GSTM5: variants seen among roughly 807,000 people sequenced by gnomAD.
GSTM5 encodes the protein GST class-mu 5.
GSTM5 carries 24 observed loss-of-function variants against 29.0 expected under a neutral mutation model. That is an observed-to-expected ratio of 0.83 (90% CI 0.60 to 1.16). GSTM5 has a LOEUF of 1.16. GSTM5 is among the 50% of genes most tolerant of loss of function. The pLI is 0.00. For synonymous variants in GSTM5, 91 were observed against 93.6 expected, an observed-to-expected ratio of 0.97 and a Z score of 0.16; for missense variants, 290 against 263.0, an observed-to-expected ratio of 1.10 and a Z score of -0.71.
At position 109,717,510 on chromosome 1, in the gene GSTM5, C is replaced by G. The variant is rs553978862; in HGVS notation, c.*84C>G. On this transcript the variant is annotated 3_prime_UTR_variant, in exon 8 of 8. Transcript: ENST00000256593. ...AGGACAGCCTGACTCCCTGGACCTG[C>G]CTTCTTCCTTTTTCCTTCTTTCTAC... 3.8e-4 allele frequency: 351 copies of G among 931,370 alleles called. No individual in the cohort carries two copies. Among genetic ancestry groups the G allele is most frequent in the Non-Finnish European group, 9.2e-5 (52 of 562,540 alleles). 57.7% of individuals were successfully genotyped at this position (931,370 alleles called of 1,614,324 possible).
chr1:109,715,104 G>C (rs1317297489), intron 6 of GSTM5, 26 bp from the exon 7 acceptor site: 1 of 1,614,000 alleles, frequency 6.2e-7, no homozygotes, highest in Non-Finnish European at 8.5e-7. Context: ...GGGGTTTTCA[G>C]CCCACACATT....
upstream of GSTM5, among the ~76,000 whole-genome samples, chr1:109,711,976 T>C (rs1235856764): frequency 6.6e-6 from 1 of 151,516 alleles, no homozygotes; most frequent in African/African-American, 2.4e-5. Context: ...GGCTGGTGTC[T>C]CAAGCGCACA....
chr1:109,713,265 T>C, intron 3 of GSTM5, 82 bp downstream of exon 3: 2 of 1,597,662 alleles, frequency 1.3e-6, no homozygotes, highest in Non-Finnish European at 1.7e-6. Context: ...TTAGAGGTGT[T>C]AAGATCAGGA....
intron 7 of GSTM5, chr1:109,715,924 T>C (rs1343078645): frequency 7.6e-6 from 6 of 792,020 alleles, no homozygotes; most frequent in Non-Finnish European, 1.0e-5. Context: ...CCTCCAATGT[T>C]CCACGTCTTC....
In GSTM5 at chr1:109,717,492, C is replaced by A; in HGVS notation, c.*66C>A. 1 of 1,083,104 alleles carries A rather than the reference C, an allele frequency of 9.2e-7. No homozygotes were observed. The highest frequency in any genetic ancestry group is 1.2e-5 in the South Asian group (1 of 80,366). 67.1% of individuals were successfully genotyped at this position (1,083,104 alleles called of 1,614,324 possible). On this transcript the variant is annotated 3_prime_UTR_variant, in exon 8 of 8. Coordinates refer to ENST00000256593, the MANE Select transcript of GSTM5 (RefSeq NM_000851.4). ...TGCTGCCTGCGACCCTGGAGGACAG[C>A]CTGACTCCCTGGACCTGCCTTCTTC... is the stretch of plus-strand genomic sequence containing the variant.
At position 109,715,244 on chromosome 1, in the gene GSTM5, A is replaced by T. The variant is rs373969317; in HGVS notation, c.567+4A>T. The stretch of plus-strand genomic sequence containing the variant: ...GGACTTCATCTCCCGCTTTGAGGTG[A>T]TGCCCCCATCCTCCTTTCTCTTTGA... On this transcript the variant is annotated splice_donor_region_variant and intron_variant, in intron 7 of 7. Coordinates refer to ENST00000256593, the MANE Select transcript of GSTM5 (RefSeq NM_000851.4). 5 of 1,614,080 alleles carry T rather than the reference A, an allele frequency of 3.1e-6. No individual in the cohort carries two copies. The highest frequency in any genetic ancestry group is 4.2e-6 in the Non-Finnish European group (5 of 1,180,054).
rs751955105 is a variant in GSTM5, at chr1:109,717,373, C to G, written c.604C>G (p.Gln202Glu). The G allele has an allele frequency of 5.6e-6, 9 of 1,613,874 alleles. No homozygotes were observed. Among genetic ancestry groups the G allele is most frequent in the Admixed American group, 1.7e-5 (1 of 59,988 alleles). The stretch of plus-strand genomic sequence containing the variant: ...GATCTCTGCCTACATGAAGTCCAGC[C>G]AATTCCTCCGAGGTCTTTTGTTTGG... ...KKISAYMKSS[Q>E]FLRGLLFGKS... The change falls in exon 8 of 8, where the codon CAA becomes GAA. Residue 202 changes from glutamine to glutamate, a missense_variant. Gln to Glu is a conservative substitution (Grantham distance 29, BLOSUM62 2). Transcript: ENST00000256593.
At chr1:109,715,663 G>A (rs1648720736) in intron 7 of GSTM5, 2 of 568,344 alleles carry the variant, frequency 3.5e-6, no homozygotes, top group South Asian at 2.2e-5. Context: ...TCAGGACCAC[G>A]GATGCAGCTG....
intron 5 of GSTM5, chr1:109,714,041 G>C (rs2101316543): frequency 3.2e-6 from 1 of 312,380 alleles, no homozygotes; most frequent in South Asian, 3.3e-5. Flanking sequence ...GCAGAGTTTG[G>C]ATTTGGGGCC....
chr1:109,716,058 A>T (rs1648736409), intron 7 of GSTM5: 1 of 480,502 alleles, frequency 2.1e-6, no homozygotes, highest in Non-Finnish European at 3.7e-6. Flanking sequence ...AAATGAGTGC[A>T]GTGAGAGGCC....
chr1:109,715,510 T>G (rs1435287422), intron 7 of GSTM5: 1 of 1,463,944 alleles, frequency 6.8e-7, no homozygotes, highest in Non-Finnish European at 9.0e-7. Flanking sequence ...CCAGAGCCAG[T>G]GGAGGCTGTG....
Position 109,713,472 on chromosome 1 carries a change from C to A in GSTM5, c.178-12C>A. 1 of 1,614,226 alleles carries A rather than the reference C, an allele frequency of 6.2e-7. No individual in the cohort carries two copies. The highest frequency in any genetic ancestry group is 8.5e-7 in the Non-Finnish European group (1 of 1,180,042). ...GGCCCAACTGAGCTTCCCCGGTTTC[C>A]CATCTATCCAGCTGCCCTACTTGAT... On this transcript the variant is annotated splice_polypyrimidine_tract_variant and intron_variant, in intron 3 of 7. Coordinates refer to ENST00000256593, the MANE Select transcript of GSTM5 (RefSeq NM_000851.4).
At chr1:109,716,746 G>A (rs955601076) in intron 7 of GSTM5, 2 of 153,538 alleles carry the variant, frequency 1.3e-5, no homozygotes, top group African/African-American at 4.8e-5. Flanking sequence ...GGCTGCACAG[G>A]TGTGTTCTGA....
Position 109,713,081 on chromosome 1 carries a change from C to T in GSTM5, c.113-38C>T, listed in dbSNP as rs748184410. ...AGGGTCCCCGGGAAGGAGGGCTGGGCTCTGGGGAGGTTTGTTTTCACTTCT... is the reference window on the plus strand; with the variant it reads ...AGGGTCCCCGGGAAGGAGGGCTGGGTTCTGGGGAGGTTTGTTTTCACTTCT... On this transcript the variant is annotated intron_variant, in intron 2 of 7. Coordinates refer to ENST00000256593, the MANE Select transcript of GSTM5 (RefSeq NM_000851.4). The T allele has an allele frequency of 1.9e-6, 3 of 1,610,944 alleles. No individual in the cohort carries two copies. The Admixed American group carries it at 5.0e-5, about 27-fold the overall frequency.
chr1:109,713,493 T>G lies in GSTM5; in HGVS notation c.187T>G (p.Leu63Val), dbSNP rs758824699. The G allele has an allele frequency of 6.2e-7, 1 of 1,614,230 alleles. No homozygotes were observed. Among genetic ancestry groups the G allele is most frequent in the Non-Finnish European group, 8.5e-7 (1 of 1,180,038 alleles). The change falls in exon 4 of 8, where the codon TTG becomes GTG. Residue 63 changes from leucine (L) to valine (V), a missense_variant. Transcript: ENST00000256593. ...LGLDFPNLPYLIDGAHKITQS... is the reference protein window; with the variant it reads ...LGLDFPNLPYVIDGAHKITQS... ...TTTCCCATCTATCCAGCTGCCCTAC[T>G]TGATTGATGGGGCTCACAAGATCAC...
intron 7 of GSTM5, 151 bp downstream of exon 7, chr1:109,715,391 T>C: frequency 6.4e-7 from 1 of 1,566,732 alleles, no homozygotes; most frequent in Non-Finnish European, 8.7e-7. Context: ...ATTATACCTA[T>C]CGTGTAGAAT....
Position 109,713,738 on chromosome 1 carries a change from AGACTGTGCTAT to A in GSTM5, c.341_351del (p.Leu114ProfsTer4). On this transcript the variant is annotated frameshift_variant, in exon 5 of 8. Coordinates refer to ENST00000256593, the MANE Select transcript of GSTM5 (RefSeq NM_000851.4). LOFTEE classifies it high-confidence loss of function. Reference sequence around the variant, plus strand: ...TATGGATAACCACATGGAGCTGGTCAGACTGTGCTATGACCCAGATTTTGTGAGTCCCACAC... The same window carrying A: ...TATGGATAACCACATGGAGCTGGTCAGACCCAGATTTTGTGAGTCCCACAC... The A allele has an allele frequency of 3.7e-6, 6 of 1,613,020 alleles. No homozygotes were observed. Among genetic ancestry groups the A allele is most frequent in the Non-Finnish European group, 5.1e-6 (6 of 1,179,794 alleles).
chr1:109,713,590 CG>C (rs778681081), intron 4 of GSTM5, 25 bp downstream of exon 4: 3 of 1,613,936 alleles, frequency 1.9e-6, no homozygotes, highest in East Asian at 4.5e-5. Context: ...CTGCAATGTG[CG>C]GGGGGAAGGT....
At chr1:109,711,783 G>A (rs1180557535), upstream of GSTM5, among the ~76,000 whole-genome samples, 1 of 151,366 alleles carries the variant, frequency 6.6e-6, no homozygotes, top group African/African-American at 2.4e-5. Context: ...TCGGATCAGA[G>A]GAAGTCCTGC....
Sources: gnomAD v4.1 joint callset for allele counts (sites outside exome capture counted in the v4.1 genomes callset) on GRCh38, gnomAD v4.1.1 for gene constraint, MANE v1.5 for transcripts, NCBI Gene and HGNC (gene_info 2026-07-23, HGNC 2026-07-21) for gene names.